Variants in DGKB observed in about 807,000 individuals in gnomAD.
DGKB encodes the protein 90 kDa diacylglycerol kinase.
A neutral mutation model predicts 114.3 loss-of-function variants in DGKB; 67 were observed. The ratio of observed to expected loss-of-function variants is 0.59; its 90% confidence interval spans 0.48 to 0.72. DGKB has a LOEUF of 0.72. Ranked by LOEUF, DGKB falls within the 30% of genes least tolerant of loss-of-function variation. The pLI is 0.00. For missense variants in DGKB, 907 were observed against 975.2 expected, an observed-to-expected ratio of 0.93 and a Z score of 0.93; for synonymous variants, 398 against 323.1, an observed-to-expected ratio of 1.23 and a Z score of -2.49.
At chr7:14,604,664 C>T (rs758199410) in intron 17 of DGKB, among the ~76,000 whole-genome samples, 22 of 152,138 alleles carry the variant, frequency 1.4e-4, no homozygotes, top group Non-Finnish European at 2.1e-4. Context: ...CAACTTCTAA[C>T]GCCATACATT....
intron 25 of DGKB, among the ~76,000 whole-genome samples, chr7:14,159,816 G>A (rs1783587663): frequency 6.6e-6 from 1 of 152,028 alleles, no homozygotes; most frequent in South Asian, 2.1e-4. Flanking sequence ...GGAATTATAG[G>A]CGTCCACCAC....
intron 4 of DGKB, among the ~76,000 whole-genome samples, chr7:14,742,666 A>G (rs1832743160): frequency 6.6e-6 from 1 of 152,236 alleles, no homozygotes; most frequent in Admixed American, 6.5e-5. Flanking sequence ...ACAGGCTAGA[A>G]GGAATCAAAC....
chr7:14,562,283 G>A (rs1456027303), intron 20 of DGKB, among the ~76,000 whole-genome samples: 1 of 152,208 alleles, frequency 6.6e-6, no homozygotes, highest in African/African-American at 2.4e-5. Flanking sequence ...TTTGCTACAG[G>A]GGTGGGGACC....
At chr7:14,622,237 C>T (rs973910772) in intron 14 of DGKB, among the ~76,000 whole-genome samples, 1 of 152,058 alleles carries the variant, frequency 6.6e-6, no homozygotes, top group Non-Finnish European at 1.5e-5. Context: ...CCTCACGTGG[C>T]TTCCAGGACA....
intron 1 of DGKB, among the ~76,000 whole-genome samples, chr7:14,970,394 A>G (rs543829716): frequency 3.8e-4 from 58 of 152,252 alleles, no homozygotes; most frequent in African/African-American, 1.3e-3. Flanking sequence ...TGCTATAAAG[A>G]AGTAAAACAG....
chr7:14,762,433 T>G (rs1383736308), intron 2 of DGKB, among the ~76,000 whole-genome samples: 1 of 152,170 alleles, frequency 6.6e-6, no homozygotes, highest in East Asian at 1.9e-4. Flanking sequence ...CGTTAAATTT[T>G]TATTTACTTT....
At chr7:14,340,660 T>C (rs1811458502) in intron 22 of DGKB, among the ~76,000 whole-genome samples, 1 of 151,576 alleles carries the variant, frequency 6.6e-6, no homozygotes, top group African/African-American at 2.4e-5. Context: ...TTTATGTCAG[T>C]CACTTCTTAA....
At chr7:14,398,161 G>A (rs995647975) in intron 21 of DGKB, among the ~76,000 whole-genome samples, 13 of 151,912 alleles carry the variant, frequency 8.6e-5, no homozygotes, top group Admixed American at 1.3e-4. Flanking sequence ...GAATGATTTC[G>A]ATCAATGGTA....
At chr7:14,169,185 C>A in intron 25 of DGKB, among the ~76,000 whole-genome samples, 1 of 140,590 alleles carries the variant, frequency 7.1e-6, no homozygotes, top group Non-Finnish European at 1.5e-5. Context: ...CGGTGAAACC[C>A]AGTCTCTACT....
rs138161060 is a variant in DGKB, at chr7:14,367,984, G to C, written c.1836-22593C>G. Reference sequence around the variant, plus strand: ...GAGATGAGATTTGGGTGGGGACACAGAGCAAAACCATATCATATATTAAAT... The same window carrying C: ...GAGATGAGATTTGGGTGGGGACACACAGCAAAACCATATCATATATTAAAT... On this transcript the variant is annotated intron_variant, in intron 21 of 25. Transcript: ENST00000402815. 2.5e-3 allele frequency among the ~76,000 whole-genome samples: 373 copies of C among 152,182 alleles called. 3 individuals are homozygous for C. The highest frequency in any genetic ancestry group is 2.7e-3 in the Non-Finnish European group (182 of 67,984).
At chr7:14,432,774 T>C (rs544808945) in intron 21 of DGKB, among the ~76,000 whole-genome samples, 2 of 152,276 alleles carry the variant, frequency 1.3e-5, no homozygotes, top group Non-Finnish European at 2.9e-5. Flanking sequence ...TTTTATTTTA[T>C]CTCCTCTATT....
chr7:14,661,341 C>G (rs1817026188), intron 13 of DGKB, among the ~76,000 whole-genome samples: 1 of 146,256 alleles, frequency 6.8e-6, no homozygotes. Flanking sequence ...CTACAATGAA[C>G]TCAAACAAAT....
intron 17 of DGKB, among the ~76,000 whole-genome samples, chr7:14,585,607 G>A (rs1300940097): frequency 6.6e-6 from 1 of 152,124 alleles, no homozygotes; most frequent in African/African-American, 2.4e-5. Flanking sequence ...CTTGCAAAAA[G>A]TGCATTCTTG....
chr7:14,529,385 T>C (rs540134596), intron 20 of DGKB, among the ~76,000 whole-genome samples: 3 of 152,034 alleles, frequency 2.0e-5, no homozygotes, highest in African/African-American at 7.2e-5. Flanking sequence ...GAGTAACCTT[T>C]AATCTTTAAA....
intron 20 of DGKB, among the ~76,000 whole-genome samples, chr7:14,551,483 T>C (rs1353485797): frequency 6.6e-6 from 1 of 152,166 alleles, no homozygotes. Context: ...CTGACTTCTG[T>C]GTTGAAGAGT....
chr7:14,392,995 G>GTTTTTGTTTTGTTTTTTTTTTTTTTTT, intron 21 of DGKB, among the ~76,000 whole-genome samples: 1 of 60,546 alleles, frequency 1.7e-5, no homozygotes, highest in Non-Finnish European at 3.4e-5. Context: ...TTTTGTTTTT[G>GTTTTTGTTTTGTTTTTTTTTTTTTTTT]TTTTTTTTTT....
At chr7:14,552,667 G>T (rs117055267) in intron 20 of DGKB, among the ~76,000 whole-genome samples, 1 of 152,116 alleles carries the variant, frequency 6.6e-6, no homozygotes. Flanking sequence ...ATTGTTTTCC[G>T]GGGCAGCTAC....
chr7:14,956,346 G>C (rs1562902363), intron 1 of DGKB, among the ~76,000 whole-genome samples: 1 of 151,894 alleles, frequency 6.6e-6, no homozygotes, highest in Admixed American at 6.6e-5. Context: ...CAATAAATTT[G>C]TTAAAAGTTT....
intron 21 of DGKB, among the ~76,000 whole-genome samples, chr7:14,382,242 G>A (rs892913269): frequency 6.6e-5 from 10 of 152,018 alleles, no homozygotes; most frequent in African/African-American, 1.2e-4. Context: ...TTTCTTATCC[G>A]TAATCAGTAG....
Sources: gnomAD v4.1 joint callset for allele counts (sites outside exome capture counted in the v4.1 genomes callset) on GRCh38, gnomAD v4.1.1 for gene constraint, MANE v1.5 for transcripts, NCBI Gene and HGNC (gene_info 2026-07-23, HGNC 2026-07-21) for gene names.